Variants in GPC5 observed in about 807,000 individuals in gnomAD.
GPC5 encodes glypican-5.
A neutral mutation model predicts 53.9 loss-of-function variants in GPC5; 47 were observed. That is an observed-to-expected ratio of 0.87 (90% CI 0.69 to 1.11). The LOEUF (loss-of-function observed/expected upper bound fraction) is 1.11, where lower values mean the gene tolerates loss of function less well. Ranked by LOEUF, GPC5 falls within the 50% of genes most tolerant of loss-of-function variation. The pLI, the probability that GPC5 is intolerant of heterozygous loss-of-function variation, is 0.00. For missense variants in GPC5, 748 were observed against 713.1 expected (o/e 1.05, Z -0.56); for synonymous variants, 286 against 263.3 (o/e 1.09, Z -0.84).
chr13:92,419,155 G>C (rs1257513552), intron 7 of GPC5, among the ~76,000 whole-genome samples: 1 of 152,108 alleles, frequency 6.6e-6, no homozygotes, highest in African/African-American at 2.4e-5. Context: ...AAATCAATAA[G>C]ACTGCCACCT....
At chr13:91,555,905 C>T (rs1340033458) in intron 2 of GPC5, among the ~76,000 whole-genome samples, 1 of 152,052 alleles carries the variant, frequency 6.6e-6, no homozygotes, top group Non-Finnish European at 1.5e-5. Context: ...CAATTATCTT[C>T]CATTAGGTCC....
Position 92,518,473 on chromosome 13 carries a change from CA to C in GPC5, c.1562-347807del, listed in dbSNP as rs1439092878. ...CCAGAAGAGAGTGGGGGCCAATATT[CA>C]ACATTCTTAAAGAAAAGAATTTTCA... is the stretch of plus-strand genomic sequence containing the variant. On this transcript the variant is annotated intron_variant, in intron 7 of 7. Coordinates refer to ENST00000377067, the MANE Select transcript of GPC5 (RefSeq NM_004466.6). 7.9e-5 allele frequency among the ~76,000 whole-genome samples: 12 copies of C among 152,268 alleles called. No homozygotes were observed. The East Asian group carries it at 1.7e-3, about 22-fold the overall frequency.
At position 91,791,253 on chromosome 13, in the gene GPC5, A is replaced by T. The variant is rs2037959499; in HGVS notation, c.1280+34833A>T. The stretch of plus-strand genomic sequence containing the variant: ...GGGCCCATCTGAGGAACCTGGGCTC[A>T]TATTGGGTGGTGCCAGGTGGAAGTC... On this transcript the variant is annotated intron_variant, in intron 5 of 7. Coordinates refer to ENST00000377067, the MANE Select transcript of GPC5 (RefSeq NM_004466.6). Among the ~76,000 whole-genome samples, 3 of 152,194 alleles carry T rather than the reference A, an allele frequency of 2.0e-5. No individual in the cohort carries two copies. In the South Asian group the frequency reaches 6.2e-4, roughly 31 times the overall value.
At chr13:92,473,744 GTCA>G (rs1375132943) in intron 7 of GPC5, among the ~76,000 whole-genome samples, 1 of 152,032 alleles carries the variant, frequency 6.6e-6, no homozygotes, top group African/African-American at 2.4e-5. Flanking sequence ...TTTTTATAGT[GTCA>G]TCATAATACA....
At chr13:92,241,827 C>T (rs1249369912) in intron 7 of GPC5, 3 of 152,124 alleles carry the variant, frequency 2.0e-5, no homozygotes, top group African/African-American at 7.2e-5. Context: ...TTCTATGGCT[C>T]ATATACTAGC....
chr13:91,607,051 G>T (rs1031023522), intron 2 of GPC5, among the ~76,000 whole-genome samples: 1 of 151,926 alleles, frequency 6.6e-6, no homozygotes, highest in African/African-American at 2.4e-5. Context: ...TGATGTTAGG[G>T]TGTCAATTTT....
intron 7 of GPC5, among the ~76,000 whole-genome samples, chr13:92,520,244 G>A (rs77873302): frequency 0.78 from 118,014 of 152,004 alleles, 45,826 homozygotes; most frequent in Admixed American, 0.81. Flanking sequence ...ATTCCAATCA[G>A]TAGGAAAAAA....
chr13:92,282,669 AT>A (rs1294452457), intron 7 of GPC5, among the ~76,000 whole-genome samples: 1 of 152,192 alleles, frequency 6.6e-6, no homozygotes, highest in Admixed American at 6.5e-5. Flanking sequence ...GAGAAATAAA[AT>A]GCTTTACAGA....
intron 3 of GPC5, among the ~76,000 whole-genome samples, chr13:91,707,706 G>A (rs772304265): frequency 6.6e-6 from 1 of 152,136 alleles, no homozygotes; most frequent in Non-Finnish European, 1.5e-5. Context: ...ATTGCTGGAG[G>A]GAATGTAAAA....
chr13:91,425,939 A>G (rs535453564), intron 1 of GPC5, among the ~76,000 whole-genome samples: 1 of 152,222 alleles, frequency 6.6e-6, no homozygotes, highest in African/African-American at 2.4e-5. Context: ...TTAGATGGAG[A>G]TGAGGGACTT....
chr13:92,601,812 T>C (rs182746023), intron 7 of GPC5, among the ~76,000 whole-genome samples: 12 of 151,954 alleles, frequency 7.9e-5, no homozygotes, highest in African/African-American at 2.9e-4. Context: ...GGAAGAGAAA[T>C]ACAGAAATCT....
chr13:92,031,691 T>C (rs1371731193), intron 6 of GPC5, among the ~76,000 whole-genome samples: 1 of 36,714 alleles, frequency 2.7e-5, no homozygotes, highest in African/African-American at 1.3e-4. Context: ...ATATATAGTA[T>C]ATATAATATA....
chr13:91,451,743 G>A (rs755244049), intron 2 of GPC5, among the ~76,000 whole-genome samples: 9 of 151,794 alleles, frequency 5.9e-5, no homozygotes, highest in East Asian at 1.9e-4. Flanking sequence ...TCAGCCTCCC[G>A]AGCAGCTGGG....
At chr13:91,417,242 G>A (rs778776126) in intron 1 of GPC5, among the ~76,000 whole-genome samples, 5 of 152,184 alleles carry the variant, frequency 3.3e-5, no homozygotes, top group Non-Finnish European at 5.9e-5. Context: ...CCAAGGTCGT[G>A]ATGTGTAGTA....
At chr13:92,375,202 G>A (rs1163508650) in intron 7 of GPC5, among the ~76,000 whole-genome samples, 5 of 152,186 alleles carry the variant, frequency 3.3e-5, no homozygotes, top group African/African-American at 1.2e-4. Context: ...ATCTTTGAAA[G>A]TTTTGTAAAT....
intron 2 of GPC5, among the ~76,000 whole-genome samples, chr13:91,524,242 A>G (rs1418477761): frequency 6.6e-6 from 1 of 152,116 alleles, no homozygotes; most frequent in Non-Finnish European, 1.5e-5. Flanking sequence ...TAGAACCTGT[A>G]CATCTTTGGA....
At chr13:92,014,255 C>T (rs1403999248) in intron 6 of GPC5, among the ~76,000 whole-genome samples, 1 of 152,130 alleles carries the variant, frequency 6.6e-6, no homozygotes, top group African/African-American at 2.4e-5. Context: ...GCAGAATAAT[C>T]ACCATGAAAA....
At chr13:92,361,159 T>A (rs1159921874) in intron 7 of GPC5, among the ~76,000 whole-genome samples, 2 of 151,718 alleles carry the variant, frequency 1.3e-5, no homozygotes, top group Non-Finnish European at 2.9e-5. Context: ...TCTTAATTTT[T>A]AAAAATAATG....
chr13:92,266,274 G>A (rs180943641), intron 7 of GPC5, among the ~76,000 whole-genome samples: 10 of 152,062 alleles, frequency 6.6e-5, no homozygotes, highest in East Asian at 1.9e-4. Flanking sequence ...CAGTTGATAC[G>A]GATTAGAGTT....
Sources: gnomAD v4.1 joint callset for allele counts (sites outside exome capture counted in the v4.1 genomes callset) on GRCh38, gnomAD v4.1.1 for gene constraint, MANE v1.5 for transcripts, NCBI Gene and HGNC (gene_info 2026-07-23, HGNC 2026-07-21) for gene names.